The following FHIT variants were observed in gnomAD, a reference collection of about 807,000 sequenced individuals.
FHIT encodes fragile histidine triad diadenosine triphosphatase.
A neutral mutation model predicts 17.9 loss-of-function variants in FHIT; 19 were observed. That is an observed-to-expected ratio of 1.06 (90% CI 0.74 to 1.56). The LOEUF is 1.56. FHIT is among the 40% of genes most tolerant of loss of function. FHIT has a pLI of 0.00. For synonymous variants in FHIT, 81 were observed against 69.7 expected, an observed-to-expected ratio of 1.16 and a Z score of -0.81; for missense variants, 248 against 189.2, an observed-to-expected ratio of 1.31 and a Z score of -1.82.
intron 3 of FHIT, among the ~76,000 whole-genome samples, chr3:60,887,841 G>GTCTCTTT (rs1705302915): frequency 6.6e-6 from 1 of 152,006 alleles, no homozygotes; most frequent in Non-Finnish European, 1.5e-5. Context: ...ATTTTAGCCT[G>GTCTCTTT]TCTATAAGTA....
At chr3:59,968,007 C>G (rs1708008252) in intron 7 of FHIT, among the ~76,000 whole-genome samples, 1 of 152,118 alleles carries the variant, frequency 6.6e-6, no homozygotes, top group Non-Finnish European at 1.5e-5. Flanking sequence ...TCATTTTCAT[C>G]TAACACAGCA....
At chr3:59,812,038 G>T (rs1356645300) in intron 8 of FHIT, among the ~76,000 whole-genome samples, 1 of 152,136 alleles carries the variant, frequency 6.6e-6, no homozygotes, top group East Asian at 1.9e-4. Context: ...CTCAACTGGG[G>T]GAGATTCTGC....
intron 5 of FHIT, among the ~76,000 whole-genome samples, chr3:60,176,737 G>T (rs1701690453): frequency 6.6e-6 from 1 of 152,186 alleles, no homozygotes; most frequent in South Asian, 2.1e-4. Context: ...ATTGGCAAAT[G>T]TTACCAGAGA....
intron 3 of FHIT, among the ~76,000 whole-genome samples, chr3:60,825,341 T>C (rs1341411586): frequency 1.3e-5 from 2 of 152,186 alleles, no homozygotes; most frequent in African/African-American, 2.4e-5. Context: ...TTAAAGGACA[T>C]ATGGCTGTTA....
In FHIT at chr3:60,955,597, C is replaced by CAT. The variant is rs201555469; in HGVS notation, c.-111+86448_-111+86449dup. Among the ~76,000 whole-genome samples the CAT allele has an allele frequency of 5.3e-3, 415 of 77,638 alleles. 4 individuals carry two copies. Among genetic ancestry groups the CAT allele is most frequent in the African/African-American group, 0.022 (363 of 16,636 alleles). 50.9% of individuals were successfully genotyped at this position (77,638 alleles called of 152,430 possible). ...ATGTATCTGCTTAGGCATATATATA[C>CAT]ATATATATATATATATATATATATA... On this transcript the variant is annotated intron_variant, in intron 3 of 9. Transcript: ENST00000492590.
chr3:60,230,902 A>G (rs866533842), intron 5 of FHIT, among the ~76,000 whole-genome samples: 10 of 152,106 alleles, frequency 6.6e-5, no homozygotes, highest in South Asian at 2.1e-4. Context: ...GTAGATACGA[A>G]GTTTCGCCAT....
intron 5 of FHIT, among the ~76,000 whole-genome samples, chr3:60,395,744 G>A (rs972017880): frequency 6.6e-6 from 1 of 152,196 alleles, no homozygotes; most frequent in African/African-American, 2.4e-5. Context: ...CAGTTTGAAT[G>A]CAGGACAAGT....
intron 4 of FHIT, among the ~76,000 whole-genome samples, chr3:60,819,950 A>G (rs918684268): frequency 2.0e-5 from 3 of 152,208 alleles, no homozygotes; most frequent in East Asian, 3.8e-4. Context: ...GTCAGTAATT[A>G]TTGATATTAA....
intron 4 of FHIT, among the ~76,000 whole-genome samples, chr3:60,604,264 C>T (rs572247160): frequency 6.6e-6 from 1 of 152,154 alleles, no homozygotes; most frequent in East Asian, 1.9e-4. Flanking sequence ...TACTTTTGAC[C>T]ACAAAAGTGA....
chr3:60,247,846 C>T (rs550003469), intron 5 of FHIT, among the ~76,000 whole-genome samples: 1 of 152,220 alleles, frequency 6.6e-6, no homozygotes, highest in South Asian at 2.1e-4. Flanking sequence ...CAGTTAGGAG[C>T]TCAGTGAAGG....
chr3:59,756,396 CATGGTAAAAGCTAAGGTCCT>C (rs1362961976), intron 8 of FHIT, among the ~76,000 whole-genome samples: 2 of 152,114 alleles, frequency 1.3e-5, no homozygotes, highest in African/African-American at 4.8e-5. Flanking sequence ...CGAGGCTTCT[CATGGTAAAAGCTAAGGTCCT>C]ATGGTAAAAG....
chr3:60,123,550 A>G (rs533141871), intron 5 of FHIT, among the ~76,000 whole-genome samples: 4 of 152,302 alleles, frequency 2.6e-5, no homozygotes, highest in African/African-American at 9.6e-5. Context: ...CATTAAACAT[A>G]TTATAGAGAA....
chr3:60,406,647 G>T (rs894888114), intron 5 of FHIT, among the ~76,000 whole-genome samples: 1 of 150,972 alleles, frequency 6.6e-6, no homozygotes, highest in African/African-American at 2.4e-5. Flanking sequence ...CAGATTTTGT[G>T]GAGAAGCCAA....
chr3:60,008,508 G>A (rs1172978280), intron 7 of FHIT, among the ~76,000 whole-genome samples: 2 of 152,168 alleles, frequency 1.3e-5, no homozygotes, highest in African/African-American at 2.4e-5. Context: ...TCATGTTCAA[G>A]AGGCTAACTC....
chr3:60,742,391 G>C (rs1434550277), intron 4 of FHIT, among the ~76,000 whole-genome samples: 4 of 152,164 alleles, frequency 2.6e-5, no homozygotes, highest in African/African-American at 9.7e-5. Context: ...AGCAGGGGAA[G>C]AGCATGTTCA....
At chr3:59,794,854 G>C (rs1166363051) in intron 8 of FHIT, among the ~76,000 whole-genome samples, 1 of 152,198 alleles carries the variant, frequency 6.6e-6, no homozygotes, top group East Asian at 1.9e-4. Context: ...GACAGTATGA[G>C]GGAAGGCCTT....
At chr3:60,171,978 CCTTTCACGTATCAG>C (rs1305930075) in intron 5 of FHIT, among the ~76,000 whole-genome samples, 2 of 152,160 alleles carry the variant, frequency 1.3e-5, no homozygotes, top group Non-Finnish European at 2.9e-5. Context: ...TTATTAAATG[CCTTTCACGTATCAG>C]GTAGTGAACC....
intron 5 of FHIT, among the ~76,000 whole-genome samples, chr3:60,293,486 G>T (rs1052964216): frequency 6.6e-6 from 1 of 152,120 alleles, no homozygotes; most frequent in Non-Finnish European, 1.5e-5. Context: ...GACCTTCTCT[G>T]CCAGCAAACA....
intron 5 of FHIT, among the ~76,000 whole-genome samples, chr3:60,275,455 CAACT>C (rs573118094): frequency 1.4e-3 from 219 of 152,302 alleles, no homozygotes; most frequent in African/African-American, 5.1e-3. Context: ...CCATTTTGAG[CAACT>C]AATCAGATTC....
Sources: gnomAD v4.1 joint callset for allele counts (sites outside exome capture counted in the v4.1 genomes callset) on GRCh38, gnomAD v4.1.1 for gene constraint, MANE v1.5 for transcripts, NCBI Gene and HGNC (gene_info 2026-07-23, HGNC 2026-07-21) for gene names.